USP24: variants seen among roughly 807,000 people sequenced by gnomAD.
USP24 encodes the protein ubiquitin specific peptidase 24.
A neutral mutation model predicts 361.6 loss-of-function variants in USP24; 97 were observed. That is an observed-to-expected ratio of 0.27 (90% CI 0.23 to 0.32). The LOEUF (loss-of-function observed/expected upper bound fraction) is 0.32. USP24 is among the 10% of genes least tolerant of loss of function. The pLI is 1.00. For missense variants in USP24, 2,353 were observed against 3,165.6 expected (o/e 0.74, Z 6.16); for synonymous variants, 1,098 against 1,124.6 (o/e 0.98, Z 0.47).
At chr1:55,142,256 T>C (rs1250650058) in intron 23 of USP24, among the ~76,000 whole-genome samples, 1 of 152,148 alleles carries the variant, frequency 6.6e-6, no homozygotes, top group Non-Finnish European at 1.5e-5. Context: ...GAGATACATG[T>C]GAGCTAGCAT....
At chr1:55,171,493 G>A in intron 5 of USP24, 63 bp downstream of exon 5, 2 of 1,520,640 alleles carry the variant, frequency 1.3e-6, no homozygotes, top group Middle Eastern at 1.7e-4. Context: ...CTTTTTTATA[G>A]CACAGAAAAT....
chr1:55,097,712 T>A lies in USP24; in HGVS notation c.5601A>T (p.Ile1867=). The A allele has an allele frequency of 6.5e-7, 1 of 1,542,210 alleles. No individual in the cohort carries two copies. Residue 1867 remains isoleucine, a synonymous_variant, in exon 48 of 68, where the codon ATA becomes ATT. Coordinates refer to ENST00000294383, the MANE Select transcript of USP24 (RefSeq NM_015306.3). ...YYCEKCKEKR[I]TVKRTCIKSL... is the part of the protein sequence containing the mutation. The stretch of plus-strand genomic sequence containing the variant: ...ATTTAATACAGGTCCTTTTCACTGT[T>A]ATTCTCTAAAGAAAAAAAAAAGGAA...
intron 1 of USP24, among the ~76,000 whole-genome samples, chr1:55,181,788 T>C (rs1262494326): frequency 6.6e-6 from 1 of 152,162 alleles, no homozygotes; most frequent in African/African-American, 2.4e-5. Flanking sequence ...TTGTGTCTAC[T>C]CCCCCAAATC....
At chr1:55,078,351 T>A (rs371598595) in intron 61 of USP24, among the ~76,000 whole-genome samples, 187 bp downstream of exon 61, 3 of 151,946 alleles carry the variant, frequency 2.0e-5, no homozygotes, top group African/African-American at 7.3e-5. Context: ...CCAAAGAGAG[T>A]GTAGTAATTA....
At position 55,073,825 on chromosome 1, in the gene USP24, T is replaced by C; in HGVS notation, c.7526+3A>G. 1 of 1,566,424 alleles carries C rather than the reference T, an allele frequency of 6.4e-7. No homozygotes were observed. The highest frequency in any genetic ancestry group is 8.7e-7 in the Non-Finnish European group (1 of 1,154,556). ...CCTCCCTGCATTTTAATTCAATACT[T>C]ACTTTTGAGCAAGAGTGACAAGAAA... is the stretch of plus-strand genomic sequence containing the variant. On this transcript the variant is annotated splice_donor_region_variant and intron_variant, in intron 64 of 67. Coordinates refer to ENST00000294383, the MANE Select transcript of USP24 (RefSeq NM_015306.3).
At chr1:55,075,778 G>A (rs1277111236) in intron 62 of USP24, among the ~76,000 whole-genome samples, 3 of 151,980 alleles carry the variant, frequency 2.0e-5, no homozygotes, top group Non-Finnish European at 4.4e-5. Flanking sequence ...ACTAGCCTGG[G>A]CAACAAAGCA....
intron 19 of USP24, 109 bp from the exon 20 acceptor site, chr1:55,146,218 G>T: frequency 3.0e-6 from 2 of 655,820 alleles, no homozygotes; most frequent in African/African-American, 1.8e-5. Context: ...TGTTTATACT[G>T]TCAAAATACC....
At chr1:55,208,110 T>C (rs1451340222) in intron 1 of USP24, among the ~76,000 whole-genome samples, 1 of 152,170 alleles carries the variant, frequency 6.6e-6, no homozygotes, top group African/African-American at 2.4e-5. Context: ...AAACATCAAA[T>C]CTACGGCTAT....
intron 8 of USP24, 92 bp from the exon 9 acceptor site, chr1:55,159,777 A>G: frequency 8.3e-7 from 1 of 1,197,764 alleles, no homozygotes; most frequent in Non-Finnish European, 1.2e-6. Flanking sequence ...ACAAAGGAGA[A>G]GGTGCAATGA....
intron 30 of USP24, among the ~76,000 whole-genome samples, chr1:55,133,401 C>A (rs1646646009): frequency 6.6e-6 from 1 of 152,156 alleles, no homozygotes; most frequent in South Asian, 2.1e-4. Flanking sequence ...AAAGAGGCAT[C>A]ATGGGTAATG....
chr1:55,092,234 C>T, intron 53 of USP24, 108 bp from the exon 54 acceptor site: 3 of 619,832 alleles, frequency 4.8e-6, no homozygotes, highest in East Asian at 3.1e-5. Context: ...ATATGATATA[C>T]ACACATGATA....
chr1:55,094,308 T>C (rs987015040), intron 51 of USP24, among the ~76,000 whole-genome samples: 3 of 152,292 alleles, frequency 2.0e-5, no homozygotes, highest in Admixed American at 6.5e-5. Flanking sequence ...CTGATTGACA[T>C]TATAGAAGAT....
intron 4 of USP24, among the ~76,000 whole-genome samples, chr1:55,172,174 A>C (rs567921669): frequency 6.6e-6 from 1 of 152,206 alleles, no homozygotes; most frequent in African/African-American, 2.4e-5. Flanking sequence ...AAGTTGAAAA[A>C]CCCATTAAAA....
chr1:55,164,059 A>G (rs1363405300), intron 7 of USP24, among the ~76,000 whole-genome samples: 2 of 152,088 alleles, frequency 1.3e-5, no homozygotes, highest in African/African-American at 2.4e-5. Context: ...AAACATAGAA[A>G]TAATCCAATG....
At chr1:55,202,075 T>A (rs1035020256) in intron 1 of USP24, among the ~76,000 whole-genome samples, 28 of 152,296 alleles carry the variant, frequency 1.8e-4, no homozygotes, top group Non-Finnish European at 3.1e-4. Flanking sequence ...TAAGAGGATC[T>A]AGCAAATTTT....
intron 1 of USP24, among the ~76,000 whole-genome samples, chr1:55,200,713 C>T (rs1450093552): frequency 6.6e-6 from 1 of 152,202 alleles, no homozygotes; most frequent in East Asian, 1.9e-4. Flanking sequence ...TATACTGTGA[C>T]ATGTTTTCTC....
chr1:55,147,216 T>C (rs912002920), intron 18 of USP24, among the ~76,000 whole-genome samples, 156 bp from the exon 19 acceptor site: 17 of 152,238 alleles, frequency 1.1e-4, no homozygotes, highest in African/African-American at 4.1e-4. Context: ...TGTTTACAAA[T>C]TGATAGTACA....
At chr1:55,110,510 G>A (rs943884696) in intron 38 of USP24, among the ~76,000 whole-genome samples, 2 of 152,114 alleles carry the variant, frequency 1.3e-5, no homozygotes, top group Non-Finnish European at 2.9e-5. Context: ...GATTGCATAC[G>A]TAATACACTC....
At chr1:55,108,331 G>A (rs1032904018) in intron 39 of USP24, among the ~76,000 whole-genome samples, 1 of 152,152 alleles carries the variant, frequency 6.6e-6, no homozygotes, top group Non-Finnish European at 1.5e-5. Context: ...AGACTTGGGA[G>A]GGGAGGAAGA....
Sources: allele counts gnomAD v4.1 joint callset (sites outside exome capture counted in the v4.1 genomes callset), GRCh38; gene constraint gnomAD v4.1.1; transcripts MANE v1.5; gene names NCBI Gene and HGNC (gene_info 2026-07-23, HGNC 2026-07-21).